The following BCAR3 variants were observed in gnomAD, a reference collection of about 807,000 sequenced individuals.
BCAR3 encodes breast cancer anti-estrogen resistance protein 3.
A neutral mutation model predicts 80.1 loss-of-function variants in BCAR3; 37 were observed. That is an observed-to-expected ratio of 0.46 (90% CI 0.36 to 0.61). The LOEUF (loss-of-function observed/expected upper bound fraction) is 0.61. Ranked by LOEUF, BCAR3 falls within the 20% of genes least tolerant of loss-of-function variation. The pLI is 0.00. For missense variants in BCAR3, 978 were observed against 1,068.2 expected (o/e 0.92, Z 1.18); for synonymous variants, 389 against 418.9 (o/e 0.93, Z 0.87).
intron 2 of BCAR3, among the ~76,000 whole-genome samples, chr1:93,801,449 T>C (rs2100789563): frequency 6.6e-6 from 1 of 152,382 alleles, no homozygotes; most frequent in East Asian, 1.9e-4. Context: ...AGAATCATTC[T>C]GATGATTCCT....
intron 2 of BCAR3, among the ~76,000 whole-genome samples, chr1:93,822,276 C>G (rs535463390): frequency 6.6e-6 from 1 of 151,014 alleles, no homozygotes; most frequent in East Asian, 2.0e-4. Flanking sequence ...CTCCCAGGTT[C>G]AAGCGATTCT....
intron 2 of BCAR3, among the ~76,000 whole-genome samples, chr1:93,768,622 A>T (rs896585031): frequency 6.6e-6 from 1 of 152,208 alleles, no homozygotes; most frequent in African/African-American, 2.4e-5. Context: ...CACAAACAAA[A>T]TATGAAGGGG....
intron 2 of BCAR3, among the ~76,000 whole-genome samples, chr1:93,672,367 C>A (rs950208618): frequency 6.6e-6 from 1 of 151,852 alleles, no homozygotes; most frequent in Admixed American, 6.6e-5. Flanking sequence ...TAAGAGCTGG[C>A]ACCTAGCCAG....
intron 2 of BCAR3, among the ~76,000 whole-genome samples, chr1:93,721,036 G>C (rs1369196965): frequency 6.6e-6 from 1 of 152,236 alleles, no homozygotes. Flanking sequence ...CTGACCCTGG[G>C]AGCACCGCTG....
upstream of BCAR3, among the ~76,000 whole-genome samples, chr1:93,685,205 G>A: frequency 6.6e-6 from 1 of 152,122 alleles, no homozygotes; most frequent in Non-Finnish European, 1.5e-5. Context: ...ATTGCAGTAT[G>A]GTTCACAAGT....
intron 2 of BCAR3, among the ~76,000 whole-genome samples, chr1:93,770,520 G>A (rs998744672): frequency 6.6e-6 from 1 of 152,120 alleles, no homozygotes; most frequent in Non-Finnish European, 1.5e-5. Context: ...TTGCCACTAT[G>A]TTGTCCCTTT....
intron 2 of BCAR3, among the ~76,000 whole-genome samples, chr1:93,772,192 T>C (rs536543767): frequency 3.3e-5 from 5 of 152,294 alleles, no homozygotes; most frequent in African/African-American, 1.2e-4. Context: ...CTGAGGGCAA[T>C]GGAAAGCCAC....
At chr1:93,817,288 G>C in intron 2 of BCAR3, among the ~76,000 whole-genome samples, 1 of 152,266 alleles carries the variant, frequency 6.6e-6, no homozygotes, top group East Asian at 1.9e-4. Flanking sequence ...CCCAGTGCGG[G>C]GGGCAGCAGG....
intron 2 of BCAR3, among the ~76,000 whole-genome samples, chr1:93,770,735 C>G (rs1282138370): frequency 6.6e-6 from 1 of 152,100 alleles, no homozygotes; most frequent in East Asian, 1.9e-4. Flanking sequence ...CAAGGAGTTA[C>G]TAGGGAGGGA....
chr1:93,846,818 A>G (rs776858707), intron 1 of BCAR3: 6 of 471,822 alleles, frequency 1.3e-5, no homozygotes, highest in South Asian at 9.2e-5. Context: ...CTCTCGGAGG[A>G]TGCTGCGGCG....
In BCAR3 at chr1:93,567,305, C is replaced by T. The variant is rs140641625; in HGVS notation, c.2273G>A (p.Arg758Gln). 487 of 1,613,990 alleles carry T rather than the reference C, an allele frequency of 3.0e-4. No homozygotes were observed. Among genetic ancestry groups the T allele is most frequent in the Non-Finnish European group, 3.9e-4 (455 of 1,180,032 alleles). Residue 758 changes from arginine to glutamine, a missense_variant, in exon 11 of 12, where the codon CGG (arginine) becomes CAG (glutamine). Physicochemically the swap from Arg to Gln is conservative, Grantham distance 43. Coordinates refer to ENST00000260502, the MANE Select transcript of BCAR3 (RefSeq NM_003567.4). ...RFMAEAADSY[R>Q]MNAERILAGF... ...TGCCAGGATCCTCTCAGCATTCATC[C>T]GGTAGCTGTCTGCAGCCTCGGCCAT...
At chr1:93,607,797 A>G (rs1570963815) in intron 3 of BCAR3, among the ~76,000 whole-genome samples, 2 of 151,830 alleles carry the variant, frequency 1.3e-5, no homozygotes, top group African/African-American at 4.8e-5. Flanking sequence ...TGGGTTAAAG[A>G]CCTCTCCCTG....
rs1237828290 is a variant in BCAR3 at position 93,567,441 on chromosome 1, G to A, written c.2137C>T (p.Leu713Phe). Residue 713 changes from leucine to phenylalanine, a missense_variant, in exon 11 of 12, where the codon CTT becomes TTT. By Grantham distance (22) the Leu-to-Phe change is conservative. Coordinates refer to ENST00000260502, the MANE Select transcript of BCAR3 (RefSeq NM_003567.4). ...NNVSVPLLMP[L>F]VTLMERQAVT... ...GCCTGGCGCTCCATTAACGTCACAAGCGGCATCAGCAGTGGGACTGATACA... is the reference window on the plus strand; with the variant it reads ...GCCTGGCGCTCCATTAACGTCACAAACGGCATCAGCAGTGGGACTGATACA... The A allele has an allele frequency of 1.2e-6, 2 of 1,613,540 alleles. No homozygotes were observed. Among genetic ancestry groups the A allele is most frequent in the South Asian group, 2.2e-5 (2 of 91,020 alleles).
chr1:93,689,681 G>C (rs2101962673), intron 3 of BCAR3, among the ~76,000 whole-genome samples: 1 of 152,278 alleles, frequency 6.6e-6, no homozygotes. Flanking sequence ...AGTGGCGATG[G>C]CCACCTGACT....
At chr1:93,789,980 T>G (rs1328804912) in intron 2 of BCAR3, among the ~76,000 whole-genome samples, 1 of 152,160 alleles carries the variant, frequency 6.6e-6, no homozygotes, top group African/African-American at 2.4e-5. Flanking sequence ...CAAAAGTTAA[T>G]GGGAAGCCCT....
At chr1:93,639,305 C>A (rs1410573816) in intron 3 of BCAR3, among the ~76,000 whole-genome samples, 1 of 152,102 alleles carries the variant, frequency 6.6e-6, no homozygotes, top group African/African-American at 2.4e-5. Flanking sequence ...CTCTCTCCTG[C>A]CATGACACTG....
intron 3 of BCAR3, among the ~76,000 whole-genome samples, chr1:93,697,702 G>A (rs747916564): frequency 9.9e-5 from 15 of 152,218 alleles, no homozygotes; most frequent in Non-Finnish European, 1.9e-4. Flanking sequence ...GGGCTAGGCC[G>A]GGCGTGGTGA....
chr1:93,609,599 A>C (rs2101877021), intron 3 of BCAR3, among the ~76,000 whole-genome samples: 1 of 152,342 alleles, frequency 6.6e-6, no homozygotes, highest in South Asian at 2.1e-4. Flanking sequence ...CAGAGACACA[A>C]GGGGCCAGAA....
At chr1:93,577,127 C>T (rs938359113) in intron 7 of BCAR3, among the ~76,000 whole-genome samples, 4 of 152,054 alleles carry the variant, frequency 2.6e-5, no homozygotes, top group East Asian at 3.9e-4. Flanking sequence ...GTACTTAAGC[C>T]GGGGTGAGAG....
Sources: allele counts gnomAD v4.1 joint callset (sites outside exome capture counted in the v4.1 genomes callset), GRCh38; gene constraint gnomAD v4.1.1; transcripts MANE v1.5; gene names NCBI Gene and HGNC (gene_info 2026-07-23, HGNC 2026-07-21).